C1orf21: variants seen among roughly 807,000 people sequenced by gnomAD.
The protein encoded by C1orf21 is chromosome 1 open reading frame 21.
In C1orf21, 3 loss-of-function variants were observed where a neutral mutation model predicts 18.7. The ratio of observed to expected loss-of-function variants is 0.16; its 90% CI spans 0.07 to 0.42. The LOEUF is 0.42. C1orf21 is among the 10% of genes least tolerant of loss of function. The pLI, the probability that C1orf21 is intolerant of heterozygous loss-of-function variation, is 0.99. For missense variants in C1orf21, 104 were observed against 143.6 expected (o/e 0.72, Z 1.41); for synonymous variants, 41 against 46.4 (o/e 0.88, Z 0.47).
chr1:184,600,742 A>G (rs1393444925), intron 5 of C1orf21, among the ~76,000 whole-genome samples: 1 of 152,244 alleles, frequency 6.6e-6, no homozygotes, highest in African/African-American at 2.4e-5. Context: ...AAGAGCTCCT[A>G]TATCAGCCAT....
At chr1:184,539,375 T>C (rs1356172459) in intron 3 of C1orf21, among the ~76,000 whole-genome samples, 2 of 152,236 alleles carry the variant, frequency 1.3e-5, no homozygotes, top group Non-Finnish European at 2.9e-5. Flanking sequence ...CTTTTTACTA[T>C]GCTGAATTCA....
intron 3 of C1orf21, among the ~76,000 whole-genome samples, chr1:184,583,928 A>G (rs1234952940): frequency 6.6e-6 from 1 of 152,174 alleles, no homozygotes; most frequent in Admixed American, 6.5e-5. Flanking sequence ...AAGAAACAGT[A>G]TCTTAGTTGC....
intron 3 of C1orf21, among the ~76,000 whole-genome samples, chr1:184,527,251 TCC>T (rs1658390950): frequency 6.6e-6 from 1 of 152,174 alleles, no homozygotes; most frequent in Non-Finnish European, 1.5e-5. Flanking sequence ...AATTGTTGGG[TCC>T]TTATCAAGTG....
chr1:184,468,064 AAG>A (rs1447168130), intron 1 of C1orf21, among the ~76,000 whole-genome samples: 2 of 151,866 alleles, frequency 1.3e-5, no homozygotes, highest in African/African-American at 4.8e-5. Flanking sequence ...GAGAGAGAAA[AAG>A]AGAATGAGAC....
At chr1:184,578,219 G>C (rs1359899394) in intron 3 of C1orf21, among the ~76,000 whole-genome samples, 1 of 152,036 alleles carries the variant, frequency 6.6e-6, no homozygotes, top group Non-Finnish European at 1.5e-5. Flanking sequence ...GCCTCCCAAA[G>C]TGTTAGGATT....
At chr1:184,607,451 C>T (rs1342599616) in intron 5 of C1orf21, among the ~76,000 whole-genome samples, 1 of 152,068 alleles carries the variant, frequency 6.6e-6, no homozygotes. Context: ...AATTAAACTA[C>T]AATAAAGTTC....
chr1:184,503,041 GCA>G (rs1462830256), intron 2 of C1orf21, among the ~76,000 whole-genome samples: 2 of 131,198 alleles, frequency 1.5e-5, no homozygotes, highest in African/African-American at 6.2e-5. Flanking sequence ...TCATGCCATT[GCA>G]CTCCAGCCTG....
intron 1 of C1orf21, among the ~76,000 whole-genome samples, chr1:184,444,429 A>G (rs1423035468): frequency 6.6e-6 from 1 of 152,074 alleles, no homozygotes; most frequent in African/African-American, 2.4e-5. Flanking sequence ...AGGGGTTTCC[A>G]CTTTTGCATC....
At chr1:184,533,897 T>C (rs1658508130) in intron 3 of C1orf21, among the ~76,000 whole-genome samples, 1 of 152,184 alleles carries the variant, frequency 6.6e-6, no homozygotes, top group Non-Finnish European at 1.5e-5. Context: ...CTTTGCCATA[T>C]CCAGACTTGT....
intron 3 of C1orf21, among the ~76,000 whole-genome samples, chr1:184,575,488 A>C (rs1659172748): frequency 6.6e-6 from 1 of 152,098 alleles, no homozygotes; most frequent in Non-Finnish European, 1.5e-5. Context: ...ATGAGTAAGG[A>C]CCTAAATTTA....
At chr1:184,445,201 TC>T (rs1300888175) in intron 1 of C1orf21, among the ~76,000 whole-genome samples, 3 of 152,218 alleles carry the variant, frequency 2.0e-5, no homozygotes, top group Non-Finnish European at 4.4e-5. Flanking sequence ...TGGGAAGCTG[TC>T]ACTGACTTAT....
chr1:184,513,813 AG>A (rs1424316857), intron 3 of C1orf21, among the ~76,000 whole-genome samples: 1 of 152,252 alleles, frequency 6.6e-6, no homozygotes, highest in African/African-American at 2.4e-5. Context: ...GTCTTGATGA[AG>A]GCAAATTACT....
At chr1:184,610,795 C>T (rs1659723287) in intron 5 of C1orf21, among the ~76,000 whole-genome samples, 1 of 150,686 alleles carries the variant, frequency 6.6e-6, no homozygotes, top group African/African-American at 2.5e-5. Flanking sequence ...TTGTAGTGAG[C>T]CGAGATCGCC....
chr1:184,466,931 G>A (rs1657407536), intron 1 of C1orf21, among the ~76,000 whole-genome samples: 1 of 152,106 alleles, frequency 6.6e-6, no homozygotes, highest in African/African-American at 2.4e-5. Flanking sequence ...ATTTTGGGGG[G>A]CAGATTAGGG....
intron 3 of C1orf21, chr1:184,539,867 A>G (rs1415434263): frequency 6.6e-6 from 1 of 152,164 alleles, no homozygotes; most frequent in African/African-American, 2.4e-5. Flanking sequence ...TACAATCTCC[A>G]TTCTGCCTAC....
chr1:184,566,524 A>C, intron 3 of C1orf21: 1 of 307,920 alleles, frequency 3.2e-6, no homozygotes, highest in Non-Finnish European at 6.3e-6. Flanking sequence ...GCAAGCATTA[A>C]GAGAAGAGTC....
intron 2 of C1orf21, among the ~76,000 whole-genome samples, chr1:184,498,997 G>C (rs1471451527): frequency 2.0e-5 from 3 of 152,142 alleles, no homozygotes; most frequent in Non-Finnish European, 2.9e-5. Flanking sequence ...TCATAAAGCT[G>C]TTGTCAGCAT....
chr1:184,460,265 A>G (rs940526847), intron 1 of C1orf21, among the ~76,000 whole-genome samples: 1 of 152,080 alleles, frequency 6.6e-6, no homozygotes, highest in African/African-American at 2.4e-5. Flanking sequence ...CCAAATCCCA[A>G]TGTTTGCCCT....
intron 1 of C1orf21, among the ~76,000 whole-genome samples, chr1:184,419,746 C>A (rs897463833): frequency 2.0e-5 from 3 of 152,040 alleles, no homozygotes; most frequent in Admixed American, 6.6e-5. Flanking sequence ...GTTAGCCATG[C>A]AGCTATTTGA....
Sources: allele counts gnomAD v4.1 joint callset (sites outside exome capture counted in the v4.1 genomes callset), GRCh38; gene constraint gnomAD v4.1.1; transcripts MANE v1.5; gene names NCBI Gene and HGNC (gene_info 2026-07-23, HGNC 2026-07-21).